The following RNF38 variants were observed in gnomAD, a reference collection of about 807,000 sequenced individuals.
RNF38 encodes ring finger protein 38.
Under a neutral mutation model 67.2 loss-of-function variants are expected in RNF38, and 15 were observed. That is an observed-to-expected ratio of 0.22 (90% CI 0.15 to 0.34). The LOEUF is 0.34. Among genes scored for constraint, RNF38 ranks in the 10% least tolerant of loss-of-function variants. The pLI, the probability that RNF38 is intolerant of heterozygous loss-of-function variation, is 1.00. For missense variants in RNF38, 524 were observed against 639.9 expected, an observed-to-expected ratio of 0.82 and a Z score of 1.95; for synonymous variants, 220 against 218.8, an observed-to-expected ratio of 1.01 and a Z score of -0.05.
intron 4 of RNF38, 113 bp from the exon 5 acceptor site, chr9:36,358,055 C>A: frequency 2.6e-6 from 2 of 767,476 alleles, no homozygotes; most frequent in Non-Finnish European, 2.1e-6. Context: ...CGGATTTTCA[C>A]AATGTACTCT....
chr9:36,356,835 A>C (rs1834155730), intron 5 of RNF38, among the ~76,000 whole-genome samples: 1 of 152,066 alleles, frequency 6.6e-6, no homozygotes, highest in South Asian at 2.1e-4. Flanking sequence ...TATTTCAAGA[A>C]ACTCCCCTTT....
intron 4 of RNF38, among the ~76,000 whole-genome samples, chr9:36,362,175 A>G (rs1834593039): frequency 6.6e-6 from 1 of 152,024 alleles, no homozygotes; most frequent in Non-Finnish European, 1.5e-5. Context: ...TGGTCAACAC[A>G]GTGAAACCCC....
chr9:36,444,312 T>C (rs752773164), intron 1 of RNF38, among the ~76,000 whole-genome samples: 12 of 151,318 alleles, frequency 7.9e-5, no homozygotes, highest in Admixed American at 7.9e-4. Context: ...GGGTTGCAGG[T>C]TGGGGGGAAG....
chr9:36,350,990 T>C, intron 9 of RNF38, 125 bp downstream of exon 9: 2 of 697,524 alleles, frequency 2.9e-6, no homozygotes, highest in Non-Finnish European at 5.0e-6. Flanking sequence ...CCCAACACAG[T>C]AATTCTTCTT....
chr9:36,419,222 A>G (rs774616232), intron 2 of RNF38, among the ~76,000 whole-genome samples: 3 of 152,122 alleles, frequency 2.0e-5, no homozygotes, highest in Non-Finnish European at 4.4e-5. Flanking sequence ...AATCCCAAAC[A>G]CTTCTGGTCC....
intron 1 of RNF38, among the ~76,000 whole-genome samples, chr9:36,440,080 T>G (rs12378042): frequency 0.19 from 28,500 of 152,032 alleles, 3,244 homozygotes; most frequent in Non-Finnish European, 0.26. Flanking sequence ...ACCCTGTCTC[T>G]ACTAAAAATA....
chr9:36,473,651 G>A (rs184222826), intron 1 of RNF38, among the ~76,000 whole-genome samples: 3 of 151,970 alleles, frequency 2.0e-5, no homozygotes, highest in Admixed American at 6.6e-5. Flanking sequence ...TCTGATGCAG[G>A]TACTCCTACT....
At chr9:36,423,948 CAA>C (rs1176900248) in intron 2 of RNF38, among the ~76,000 whole-genome samples, 1 of 7,408 alleles carries the variant, frequency 1.3e-4, no homozygotes, top group African/African-American at 4.4e-4. Context: ...GACTCCGTCT[CAA>C]AAAAAAAAAA....
chr9:36,406,322 G>T (rs1461597767), intron 2 of RNF38, among the ~76,000 whole-genome samples: 1 of 152,236 alleles, frequency 6.6e-6, no homozygotes, highest in Admixed American at 6.5e-5. Context: ...CTGGGGTAAA[G>T]AATGGCTTAC....
intron 10 of RNF38, among the ~76,000 whole-genome samples, chr9:36,344,542 G>A (rs1833078136): frequency 6.6e-6 from 1 of 152,170 alleles, no homozygotes; most frequent in Non-Finnish European, 1.5e-5. Context: ...AACTTTCTAA[G>A]ATGACAGAAA....
At chr9:36,404,754 A>G (rs1371818245), upstream of RNF38, among the ~76,000 whole-genome samples, 1 of 152,188 alleles carries the variant, frequency 6.6e-6, no homozygotes, top group African/African-American at 2.4e-5. Context: ...TACTTGGCAG[A>G]AAATACTGGC....
intron 1 of RNF38, among the ~76,000 whole-genome samples, chr9:36,457,224 C>T (rs1106276): frequency 0.16 from 24,869 of 152,076 alleles, 2,226 homozygotes; most frequent in Admixed American, 0.22. Flanking sequence ...AACACGAAGG[C>T]ACTGAATTAA....
intron 3 of RNF38, among the ~76,000 whole-genome samples, chr9:36,375,236 G>A (rs774508772): frequency 4.6e-5 from 7 of 151,866 alleles, no homozygotes; most frequent in Admixed American, 6.6e-5. Context: ...TGTCACCAAC[G>A]CTAGAGTGCA....
intron 1 of RNF38, among the ~76,000 whole-genome samples, chr9:36,475,289 G>A (rs1840097927): frequency 6.6e-6 from 1 of 152,008 alleles, no homozygotes; most frequent in Non-Finnish European, 1.5e-5. Context: ...TCCTCACTGT[G>A]TCTAGTACAT....
intron 1 of RNF38, among the ~76,000 whole-genome samples, chr9:36,435,319 T>C (rs1421910383): frequency 6.6e-6 from 1 of 152,202 alleles, no homozygotes; most frequent in African/African-American, 2.4e-5. Flanking sequence ...GGTTATAATA[T>C]GAAGCAGATT....
chr9:36,356,330 G>C lies in RNF38; in HGVS notation c.882C>G (p.Val294=). Residue 294 remains valine, a synonymous_variant, in exon 6 of 12, where the codon GTC becomes GTG. Coordinates refer to ENST00000259605, the MANE Select transcript of RNF38 (RefSeq NM_022781.5). Reference sequence around the variant, plus strand: ...ATCGTGATTGCTGTGTTTGGAAAGGGACAAACTGGCCTGGTGGTGGCAAAT... The same window carrying C: ...ATCGTGATTGCTGTGTTTGGAAAGGCACAAACTGGCCTGGTGGTGGCAAAT... ...PPHLPPPGQF[V]PFQTQQSRSP... is the part of the protein sequence containing the mutation. 1 of 1,614,022 alleles carries C rather than the reference G, an allele frequency of 6.2e-7. No individual in the cohort carries two copies. Among genetic ancestry groups the C allele is most frequent in the Non-Finnish European group, 8.5e-7 (1 of 1,179,996 alleles).
intron 1 of RNF38, among the ~76,000 whole-genome samples, chr9:36,393,578 T>G (rs1446082036): frequency 1.3e-5 from 2 of 150,298 alleles, no homozygotes; most frequent in Non-Finnish European, 3.0e-5. Flanking sequence ...GTCCATCTCC[T>G]GTACAACCCC....
intron 4 of RNF38, among the ~76,000 whole-genome samples, chr9:36,361,132 C>T (rs1262582495): frequency 6.6e-6 from 1 of 151,706 alleles, no homozygotes; most frequent in Non-Finnish European, 1.5e-5. Context: ...CCATATTTTG[C>T]TGAATCCAAG....
chr9:36,348,495 A>AAC (rs1478958012), intron 9 of RNF38, among the ~76,000 whole-genome samples: 1 of 152,150 alleles, frequency 6.6e-6, no homozygotes, highest in East Asian at 1.9e-4. Flanking sequence ...CAAACAAACA[A>AAC]AAAGAAAACA....
Sources: allele counts gnomAD v4.1 joint callset (sites outside exome capture counted in the v4.1 genomes callset), GRCh38; gene constraint gnomAD v4.1.1; transcripts MANE v1.5; gene names NCBI Gene and HGNC (gene_info 2026-07-23, HGNC 2026-07-21).